Variants in CLCNKA observed in about 807,000 individuals in gnomAD.
CLCNKA encodes the protein chloride voltage-gated channel Ka.
A neutral mutation model predicts 83.3 loss-of-function variants in CLCNKA; 66 were observed. That is an observed-to-expected ratio of 0.79 (90% CI 0.65 to 0.97). The LOEUF is 0.97. Ranked by LOEUF, CLCNKA falls within the 50% of genes least tolerant of loss-of-function variation. The pLI, the probability that CLCNKA is intolerant of heterozygous loss-of-function variation, is 0.00. For synonymous variants in CLCNKA, 357 were observed against 370.4 expected, an observed-to-expected ratio of 0.96 and a Z score of 0.42; for missense variants, 806 against 888.7, an observed-to-expected ratio of 0.91 and a Z score of 1.18.
chr1:16,022,754 A>C (rs954285107), intron 2 of CLCNKA, 35 bp downstream of exon 2: 1 of 1,386,472 alleles, frequency 7.2e-7, no homozygotes, highest in African/African-American at 1.4e-5. Flanking sequence ...CCCGCGGGGG[A>C]CCACTCAGGA....
At chr1:16,030,754 A>T (rs2124051704) in intron 15 of CLCNKA, 80 bp downstream of exon 15, 1 of 1,580,496 alleles carries the variant, frequency 6.3e-7, no homozygotes, top group South Asian at 1.1e-5. Flanking sequence ...ACCTCCAAAA[A>T]GAAACACCAC....
In CLCNKA at chr1:16,030,479, G is replaced by T. The variant is rs886957867; in HGVS notation, c.1427G>T (p.Gly476Val). The change falls in exon 15 of 20, where the codon GGG (glycine) becomes GTG (valine). Residue 476 changes from glycine (G) to valine (V), a missense_variant. Physicochemically the swap from Gly to Val is moderately radical, Grantham distance 109. Coordinates refer to ENST00000331433, the MANE Select transcript of CLCNKA (RefSeq NM_004070.4). ...CCGGCAGGGGCTGCAGCCTTCTCAG[G>T]GGCTGTGACCCACACCATCTCCACG... ...YALAGAAAFSGAVTHTISTAL... is the reference protein window; with the variant it reads ...YALAGAAAFSVAVTHTISTAL... The T allele has an allele frequency of 3.7e-6, 6 of 1,612,702 alleles. No individual in the cohort carries two copies. The highest frequency in any genetic ancestry group is 5.1e-6 in the Non-Finnish European group (6 of 1,179,970).
At chr1:16,024,713 T>G (rs956697144) in intron 3 of CLCNKA, 50 bp from the exon 4 acceptor site, 1 of 1,611,574 alleles carries the variant, frequency 6.2e-7, no homozygotes, top group Non-Finnish European at 8.5e-7. Flanking sequence ...TGTCTGGCCC[T>G]GAGGGCTGCA....
chr1:16,032,303 T>C lies in CLCNKA; in HGVS notation c.1845+12T>C, dbSNP rs768147307. ...CTCCAGGACACCAGGTGGTTACTCCTGAGGGGCGTGGGGATGGGGCGGGGG... is the reference window on the plus strand; with the variant it reads ...CTCCAGGACACCAGGTGGTTACTCCCGAGGGGCGTGGGGATGGGGCGGGGG... On this transcript the variant is annotated intron_variant, in intron 17 of 19. Coordinates refer to ENST00000331433, the MANE Select transcript of CLCNKA (RefSeq NM_004070.4). 2.9e-5 allele frequency: 29 copies of C among 1,002,636 alleles called. No individual in the cohort carries two copies. The highest frequency in any genetic ancestry group is 3.7e-5 in the Non-Finnish European group (26 of 705,846). 62.1% of individuals were successfully genotyped at this position (1,002,636 alleles called of 1,614,324 possible).
intron 15 of CLCNKA, among the ~76,000 whole-genome samples, chr1:16,030,893 G>A (rs2022598254): frequency 6.6e-6 from 1 of 152,208 alleles, no homozygotes. Context: ...TCTGTCTAGG[G>A]GTCAGCTGGG....
At chr1:16,028,252 C>T in intron 10 of CLCNKA, 133 bp downstream of exon 10, 3 of 840,814 alleles carry the variant, frequency 3.6e-6, no homozygotes, top group South Asian at 2.9e-5. Context: ...CATCTAACAA[C>T]CCTCTCCAAG....
At position 16,028,752 on chromosome 1, in the gene CLCNKA, C is replaced by T. The variant is rs753704157; in HGVS notation, c.969-9C>T. ...AGGGCCAGCCCTAGAGCTCACCCAC[C>T]CCCCACAGCAAGCCTGTGTACTCCG... On this transcript the variant is annotated splice_polypyrimidine_tract_variant and intron_variant, in intron 10 of 19. Transcript: ENST00000331433. The T allele has an allele frequency of 1.9e-6, 3 of 1,614,088 alleles. No homozygotes were observed. The highest frequency in any genetic ancestry group is 2.5e-6 in the Non-Finnish European group (3 of 1,180,006).
In CLCNKA at chr1:16,032,604, T is replaced by G; in HGVS notation, c.1929+78T>G. 3 of 1,130,968 alleles carry G rather than the reference T, an allele frequency of 2.7e-6. No individual in the cohort carries two copies. In the South Asian group the frequency reaches 3.7e-5, roughly 14 times the overall value. The allele number at this position is 1,130,968 out of a possible 1,614,324, so 70.1% of individuals were successfully genotyped here. Reference sequence around the variant, plus strand: ...CTGATGAGGAGCTCAGGCTCCAGCCTCCCGTCCCAACCCCGCCCCGCCCAT... The same window carrying G: ...CTGATGAGGAGCTCAGGCTCCAGCCGCCCGTCCCAACCCCGCCCCGCCCAT... On this transcript the variant is annotated intron_variant, in intron 18 of 19. Coordinates refer to ENST00000331433, the MANE Select transcript of CLCNKA (RefSeq NM_004070.4).
chr1:16,029,167 C>T lies in CLCNKA; in HGVS notation c.1095C>T (p.His365=), dbSNP rs749120631. ...KQHLDSLFDN[H]SWALMTQNSS... ...ATCTGGACTCGCTGTTCGACAACCA[C>T]TCCTGGGCGCTGATGACCCAGAACT... is the stretch of plus-strand genomic sequence containing the variant. Residue 365 remains histidine, a synonymous_variant, in exon 12 of 20, where the codon CAC becomes CAT. Coordinates refer to ENST00000331433, the MANE Select transcript of CLCNKA (RefSeq NM_004070.4). 1.4e-5 allele frequency: 23 copies of T among 1,612,578 alleles called. No individual in the cohort carries two copies. Among genetic ancestry groups the T allele is most frequent in the Non-Finnish European group, 1.9e-5 (22 of 1,179,860 alleles).
intron 4 of CLCNKA, 105 bp downstream of exon 4, chr1:16,024,996 C>A: frequency 6.7e-7 from 1 of 1,486,980 alleles, no homozygotes; most frequent in Admixed American, 1.7e-5. Flanking sequence ...TTTCTCAAGC[C>A]CAGAAGAGTT....
Position 16,032,248 on chromosome 1 carries a change from A to C in CLCNKA, c.1802A>C (p.Gln601Pro). The C allele has an allele frequency of 1.3e-6, 2 of 1,572,552 alleles. No individual in the cohort carries two copies. Among genetic ancestry groups the C allele is most frequent in the African/African-American group, 1.4e-5 (1 of 72,778 alleles). Residue 601 changes from glutamine (Q) to proline (P), a missense_variant, in exon 17 of 20, where the codon CAG becomes CCG. Physicochemically the swap from Gln to Pro is moderately conservative, Grantham distance 76. Coordinates refer to ENST00000331433, the MANE Select transcript of CLCNKA (RefSeq NM_004070.4). ...VGIVQRAQLV[Q>P]ALQAEPPSRA... The stretch of plus-strand genomic sequence containing the variant: ...ATCGTGCAGAGGGCCCAGCTGGTGC[A>C]GGCCCTCCAGGCTGAGCCTCCTTCC...
intron 9 of CLCNKA, 47 bp from the exon 10 acceptor site, chr1:16,027,971 C>G (rs776377990): frequency 8.7e-6 from 14 of 1,614,078 alleles, no homozygotes; most frequent in Non-Finnish European, 1.2e-5. Context: ...GACTGCGGCC[C>G]CTGGTACTGG....
At chr1:16,024,268 G>A (rs1224155621) in intron 3 of CLCNKA, among the ~76,000 whole-genome samples, 1 of 152,272 alleles carries the variant, frequency 6.6e-6, no homozygotes, top group Admixed American at 6.5e-5. Context: ...CAAACTTGGA[G>A]TCTTCCCCCT....
Position 16,027,296 on chromosome 1 carries a change from A to C in CLCNKA, c.656-14A>C. The C allele has an allele frequency of 6.2e-7, 1 of 1,612,726 alleles. No individual in the cohort carries two copies. The highest frequency in any genetic ancestry group is 8.5e-7 in the Non-Finnish European group (1 of 1,179,962). ...TGGGGGTGGGGGCCCACCTGACATC[A>C]GTGTCGCCCCCAGGCGTCCTGTTCA... On this transcript the variant is annotated splice_polypyrimidine_tract_variant and intron_variant, in intron 7 of 19. Coordinates refer to ENST00000331433, the MANE Select transcript of CLCNKA (RefSeq NM_004070.4).
chr1:16,026,432 T>G, intron 5 of CLCNKA, 104 bp from the exon 6 acceptor site: 1 of 1,531,966 alleles, frequency 6.5e-7, no homozygotes, highest in Non-Finnish European at 9.0e-7. Context: ...AGGACAGCCC[T>G]GGGGGTTGGG....
chr1:16,030,540 G>A lies in CLCNKA; in HGVS notation c.1488G>A (p.Val496=), dbSNP rs56095526. 0.01 allele frequency: 16,751 copies of A among 1,613,080 alleles called. 1,175 individuals carry two copies. The African/African-American group carries it at 0.17, about 17-fold the overall frequency. The change falls in exon 15 of 20, where the codon GTG becomes GTA. Residue 496 remains valine, a synonymous_variant. Transcript: ENST00000331433. ...LLAFELTGQI[V]HALPVLMAVL... ...CCTTTGAGCTGACCGGCCAGATAGT[G>A]CATGCACTGCCCGTGCTGATGGCGG...
Position 16,028,751 on chromosome 1 carries a change from C to T in CLCNKA, c.969-10C>T, listed in dbSNP as rs372186949. 3.3e-5 allele frequency: 53 copies of T among 1,613,930 alleles called. No individual in the cohort carries two copies. In the African/African-American group the frequency reaches 6.5e-4, roughly 20 times the overall value. ...GAGGGCCAGCCCTAGAGCTCACCCA[C>T]CCCCCACAGCAAGCCTGTGTACTCC... On this transcript the variant is annotated splice_polypyrimidine_tract_variant and intron_variant, in intron 10 of 19. Transcript: ENST00000331433.
chr1:16,023,436 C>G (rs917521673), intron 2 of CLCNKA, among the ~76,000 whole-genome samples: 5 of 152,194 alleles, frequency 3.3e-5, no homozygotes, highest in African/African-American at 1.2e-4. Context: ...GGAGAGTGGA[C>G]AGGTCAAAGG....
Position 16,024,821 on chromosome 1 carries a change from G to A in CLCNKA, c.288G>A (p.Trp96Ter), listed in dbSNP as rs776879396. The A allele has an allele frequency of 4.3e-6, 7 of 1,614,032 alleles. No homozygotes were observed. The highest frequency in any genetic ancestry group is 5.9e-6 in the Non-Finnish European group (7 of 1,180,042). The change falls in exon 4 of 20, where the codon TGG (tryptophan) becomes TGA (stop). Residue 96 changes from tryptophan (W) to a stop codon, truncating the protein, a stop_gained. Transcript: ENST00000331433. LOFTEE classifies it high-confidence loss of function. ...GDSHLLRYLS[W>*]TVYPVALVSF... is the part of the protein sequence containing the mutation. Reference sequence around the variant, plus strand: ...GCCACCTGCTCCGGTATCTTTCCTGGACTGTGTACCCTGTGGCCCTCGTCT... The same window carrying A: ...GCCACCTGCTCCGGTATCTTTCCTGAACTGTGTACCCTGTGGCCCTCGTCT...
Sources: allele counts gnomAD v4.1 joint callset (sites outside exome capture counted in the v4.1 genomes callset), GRCh38; gene constraint gnomAD v4.1.1; transcripts MANE v1.5; gene names NCBI Gene and HGNC (gene_info 2026-07-23, HGNC 2026-07-21).